Variants in OPRM1 observed in about 807,000 individuals in gnomAD.
OPRM1 encodes opioid receptor mu 1.
OPRM1 carries 27 observed loss-of-function variants against 31.8 expected under a neutral mutation model. The ratio of observed to expected loss-of-function variants is 0.85; its 90% CI spans 0.63 to 1.17. The LOEUF is 1.17. OPRM1 is among the 50% of genes most tolerant of loss of function. The pLI, the probability that OPRM1 is intolerant of heterozygous loss-of-function variation, is 0.00. For synonymous variants in OPRM1, 196 were observed against 189.9 expected, an observed-to-expected ratio of 1.03 and a Z score of -0.26; for missense variants, 536 against 511.1, an observed-to-expected ratio of 1.05 and a Z score of -0.47.
chr6:154,085,106 C>T (rs1790218361), intron 1 of OPRM1, among the ~76,000 whole-genome samples: 1 of 152,158 alleles, frequency 6.6e-6, no homozygotes, highest in Non-Finnish European at 1.5e-5. Context: ...TTTATTTAGT[C>T]TGGCTTCACT....
At chr6:154,067,113 G>A (rs1785584885) in intron 1 of OPRM1, among the ~76,000 whole-genome samples, 1 of 151,692 alleles carries the variant, frequency 6.6e-6, no homozygotes, top group Non-Finnish European at 1.5e-5. Flanking sequence ...AATATTTTTG[G>A]AAAACCAATT....
At chr6:154,231,436 C>T (rs1028062080) in intron 3 of OPRM1, among the ~76,000 whole-genome samples, 3 of 152,214 alleles carry the variant, frequency 2.0e-5, no homozygotes, top group African/African-American at 7.2e-5. Flanking sequence ...TGTGGAATGA[C>T]ATGTACATTG....
intron 3 of OPRM1, among the ~76,000 whole-genome samples, chr6:154,189,565 A>T (rs1311685965): frequency 1.3e-5 from 2 of 152,254 alleles, no homozygotes; most frequent in Admixed American, 1.3e-4. Flanking sequence ...GATAGCTAGA[A>T]GATTTTGAAT....
chr6:154,078,793 G>T (rs528886822), intron 1 of OPRM1, among the ~76,000 whole-genome samples: 1 of 152,102 alleles, frequency 6.6e-6, no homozygotes, highest in Non-Finnish European at 1.5e-5. Flanking sequence ...GTAGAGGATC[G>T]CTTGAACAGA....
At chr6:154,047,413 T>G (rs1290440368) in intron 1 of OPRM1, among the ~76,000 whole-genome samples, 1 of 151,948 alleles carries the variant, frequency 6.6e-6, no homozygotes, top group East Asian at 1.9e-4. Flanking sequence ...AAAGCGTGAC[T>G]GGCAAAGGTG....
chr6:154,214,324 C>G lies in OPRM1; in HGVS notation c.1165-32369C>G, dbSNP rs181721099. 5.4e-4 allele frequency: 646 copies of G among 1,191,712 alleles called. 5 individuals are homozygous for G. The African/African-American group carries it at 8.2e-3, about 15-fold the overall frequency. 73.8% of individuals were successfully genotyped at this position (1,191,712 alleles called of 1,614,324 possible). A position where few individuals can be genotyped will look rare whatever the true frequency, so the allele number is the denominator to read the frequency against. ...ATGTTGACCAAAGAGATTAGCCCCC[C>G]ACCCATTCACCTTCCCCCAGAGTTT... is the stretch of plus-strand genomic sequence containing the variant. On this transcript the variant is annotated intron_variant, in intron 3 of 3. Transcript: ENST00000337049.
At chr6:154,160,081 G>A in intron 3 of OPRM1, 1 of 1,459,890 alleles carries the variant, frequency 6.8e-7, no homozygotes, top group East Asian at 2.3e-5. Context: ...TATGTTGAGA[G>A]TGTCTTAATT....
At chr6:154,211,491 G>T (rs1397921886) in intron 3 of OPRM1, among the ~76,000 whole-genome samples, 1 of 151,366 alleles carries the variant, frequency 6.6e-6, no homozygotes, top group Non-Finnish European at 1.5e-5. Flanking sequence ...GCACTCACTG[G>T]ACACTTGAGC....
chr6:154,060,286 C>T (rs1193038709), intron 1 of OPRM1, among the ~76,000 whole-genome samples: 1 of 152,152 alleles, frequency 6.6e-6, no homozygotes, highest in Non-Finnish European at 1.5e-5. Context: ...GAATTACTGC[C>T]AAGTGCAAGT....
In OPRM1 at chr6:154,066,185, GA is replaced by G. The variant is rs1271808505; in HGVS notation, c.291-23640del. On this transcript the variant is annotated intron_variant, in intron 1 of 3. Transcript: ENST00000330432. ...TTTAGTCTGACAATATTTTGCTGAG[GA>G]TTTTTGCTTCAATTTTTATAAGGGA... Among the ~76,000 whole-genome samples the G allele has an allele frequency of 3.3e-5, 5 of 152,124 alleles. No homozygotes were observed. The South Asian group carries it at 6.2e-4, about 19-fold the overall frequency.
intron 3 of OPRM1, among the ~76,000 whole-genome samples, chr6:154,191,841 G>C (rs1159186420): frequency 6.6e-6 from 1 of 152,072 alleles, no homozygotes; most frequent in Non-Finnish European, 1.5e-5. Context: ...TGGAATGGAG[G>C]GGGTATATGT....
At chr6:154,240,659 T>C (rs768122249) in intron 3 of OPRM1, among the ~76,000 whole-genome samples, 4 of 152,310 alleles carry the variant, frequency 2.6e-5, no homozygotes, top group Admixed American at 6.5e-5. Context: ...ATCTTCACTA[T>C]AGAGATTCTC....
At chr6:154,098,566 T>C (rs1793808078) in intron 3 of OPRM1, among the ~76,000 whole-genome samples, 2 of 152,228 alleles carry the variant, frequency 1.3e-5, no homozygotes, top group South Asian at 2.1e-4. Flanking sequence ...TCTACCTCTA[T>C]GATTTTGAAA....
chr6:154,207,813 G>A (rs1777626383), intron 3 of OPRM1, among the ~76,000 whole-genome samples: 1 of 152,084 alleles, frequency 6.6e-6, no homozygotes, highest in Admixed American at 6.5e-5. Context: ...CAAAATATGA[G>A]GATTGTTGTG....
At chr6:154,240,956 G>A (rs1780530472) in intron 3 of OPRM1, among the ~76,000 whole-genome samples, 1 of 152,088 alleles carries the variant, frequency 6.6e-6, no homozygotes, top group Non-Finnish European at 1.5e-5. Context: ...AGATAGTTGG[G>A]GCCAGGTGCG....
At position 154,223,274 on chromosome 6, in the gene OPRM1, G is replaced by T. The variant is rs778113933; in HGVS notation, c.1165-23419G>T. 3.3e-6 allele frequency: 5 copies of T among 1,523,118 alleles called. No individual in the cohort carries two copies. The Admixed American group carries it at 8.4e-5, about 26-fold the overall frequency. The allele number at this position is 1,523,118 out of a possible 1,614,324, so 94.4% of individuals were successfully genotyped here. ...ACAAATATATACCACAAATAGGAAT[G>T]AATGCATCAATCCTGGGGATTAGTG... On this transcript the variant is annotated intron_variant, in intron 3 of 3. Transcript: ENST00000337049.
intron 3 of OPRM1, among the ~76,000 whole-genome samples, chr6:154,095,445 T>A (rs1401299131): frequency 1.3e-5 from 2 of 152,224 alleles, no homozygotes; most frequent in East Asian, 3.8e-4. Context: ...ACAACCTAAA[T>A]GACTATGTAC....
chr6:154,188,660 G>T (rs1022834636), intron 3 of OPRM1, among the ~76,000 whole-genome samples: 1 of 152,344 alleles, frequency 6.6e-6, no homozygotes. Flanking sequence ...AATGGTATGA[G>T]CCAGGGTAGA....
At chr6:154,013,384 G>A (rs952048282) in intron 1 of OPRM1, among the ~76,000 whole-genome samples, 1 of 152,140 alleles carries the variant, frequency 6.6e-6, no homozygotes, top group African/African-American at 2.4e-5. Context: ...TATAAGCAAT[G>A]TCATTCAAGT....
Sources: gnomAD v4.1 joint callset for allele counts (sites outside exome capture counted in the v4.1 genomes callset) on GRCh38, gnomAD v4.1.1 for gene constraint, MANE v1.5 for transcripts, NCBI Gene and HGNC (gene_info 2026-07-23, HGNC 2026-07-21) for gene names.